Variants in PLXNA2 observed in about 807,000 individuals in gnomAD.
PLXNA2 encodes plexin A2, also known as plexin-A2.
PLXNA2 carries 91 observed loss-of-function variants against 193.5 expected under a neutral mutation model. The observed-to-expected ratio is 0.47, with a 90% CI of 0.40 to 0.56. The LOEUF (loss-of-function observed/expected upper bound fraction) is 0.56. PLXNA2 is among the 20% of genes least tolerant of loss of function. The pLI is 0.00. For synonymous variants in PLXNA2, 997 were observed against 1,027.3 expected, an observed-to-expected ratio of 0.97 and a Z score of 0.56; for missense variants, 1,995 against 2,503.2, an observed-to-expected ratio of 0.80 and a Z score of 4.33.
intron 22 of PLXNA2, chr1:208,040,375 G>T: frequency 3.0e-6 from 1 of 328,424 alleles, no homozygotes. Flanking sequence ...CTATCCCACA[G>T]GGCTATAAAG....
At chr1:208,186,778 G>A (rs1670019439) in intron 3 of PLXNA2, among the ~76,000 whole-genome samples, 1 of 149,638 alleles carries the variant, frequency 6.7e-6, no homozygotes, top group Admixed American at 6.6e-5. Flanking sequence ...GGACTGCAGT[G>A]GCGCAATCTC....
intron 3 of PLXNA2, among the ~76,000 whole-genome samples, chr1:208,180,673 A>G (rs1669814439): frequency 6.6e-6 from 1 of 152,266 alleles, no homozygotes; most frequent in Admixed American, 6.5e-5. Context: ...TGAGAGTCAC[A>G]GTGGTTAACT....
At chr1:208,191,957 C>T (rs957969693) in intron 3 of PLXNA2, among the ~76,000 whole-genome samples, 2 of 152,104 alleles carry the variant, frequency 1.3e-5, no homozygotes, top group African/African-American at 2.4e-5. Flanking sequence ...ATCCACGAGG[C>T]GATTCTTACC....
intron 4 of PLXNA2, among the ~76,000 whole-genome samples, chr1:208,117,964 G>A (rs1407927881): frequency 6.6e-6 from 1 of 152,182 alleles, no homozygotes; most frequent in African/African-American, 2.4e-5. Context: ...TTATCTACAA[G>A]TGTGCAGAGA....
At chr1:208,055,825 A>G (rs1571868295) in intron 13 of PLXNA2, among the ~76,000 whole-genome samples, 1 of 152,232 alleles carries the variant, frequency 6.6e-6, no homozygotes, top group East Asian at 1.9e-4. Context: ...CCTTCATAAC[A>G]GTTAATCCCA....
chr1:208,143,499 C>T (rs540754844), intron 3 of PLXNA2, among the ~76,000 whole-genome samples: 5 of 152,276 alleles, frequency 3.3e-5, no homozygotes, highest in South Asian at 2.1e-4. Flanking sequence ...AAAGAGGTCC[C>T]TAAGGTCATA....
chr1:208,165,472 C>T (rs74153038), intron 3 of PLXNA2, among the ~76,000 whole-genome samples: 3,224 of 152,234 alleles, frequency 0.021, 121 homozygotes, highest in African/African-American at 0.072. Flanking sequence ...GAAGTGGCAG[C>T]GTGGACTTCA....
intron 4 of PLXNA2, among the ~76,000 whole-genome samples, chr1:208,118,420 G>A (rs773948843): frequency 3.3e-5 from 5 of 152,232 alleles, no homozygotes; most frequent in African/African-American, 1.2e-4. Flanking sequence ...AGATGCAAGC[G>A]TGATGGTTAA....
Position 208,083,563 on chromosome 1 carries a change from G to C in PLXNA2, c.2298+817C>G, listed in dbSNP as rs548459222. 9.6e-4 allele frequency among the ~76,000 whole-genome samples: 146 copies of C among 152,040 alleles called. 7 individuals are homozygous for C. In the South Asian group the frequency reaches 0.029, roughly 31 times the overall value. On this transcript the variant is annotated intron_variant, in intron 10 of 31. Coordinates refer to ENST00000367033, the MANE Select transcript of PLXNA2 (RefSeq NM_025179.4). ...TATCTATCAAGCGCCTGTGACCTGG[G>C]AATCTGACAGCTCCCTGATAAGAGG...
chr1:208,028,251 T>A lies in PLXNA2; in HGVS notation c.5439-92A>T. The A allele has an allele frequency of 8.2e-7, 1 of 1,213,294 alleles. No individual in the cohort carries two copies. The highest frequency in any genetic ancestry group is 1.1e-6 in the Non-Finnish European group (1 of 874,532). 75.2% of individuals were successfully genotyped at this position (1,213,294 alleles called of 1,614,324 possible). On this transcript the variant is annotated intron_variant, in intron 30 of 31. Coordinates refer to ENST00000367033, the MANE Select transcript of PLXNA2 (RefSeq NM_025179.4). The surrounding 1 kb of genome is among the most constrained non-coding windows in gnomAD (Gnocchi z 4.2). ...CCCAGGTCCTTCGAGGGCACTGATGTACCCAGTTGCTCCTGCCTCCCTATT... is the reference window on the plus strand; with the variant it reads ...CCCAGGTCCTTCGAGGGCACTGATGAACCCAGTTGCTCCTGCCTCCCTATT...
chr1:208,046,115 C>T lies in PLXNA2; in HGVS notation c.3258G>A (p.Val1086=), dbSNP rs769312308. ...VKFNGKESVN[V]CKVVNTTTLT... is the part of the protein sequence containing the mutation. ...GGGTGGTTGTGTTCACAACTTTACA[C>T]ACCTAAGAGATCCAGAGCGCAGCAT... Residue 1086 remains valine (V), a splice_region_variant and synonymous_variant, in exon 18 of 32, where the codon GTG becomes GTA. Transcript: ENST00000367033. The T allele has an allele frequency of 3.7e-6, 6 of 1,613,320 alleles. No individual in the cohort carries two copies. The African/African-American group carries it at 8.0e-5, about 22-fold the overall frequency.
chr1:208,088,776 A>T (rs879547625), intron 9 of PLXNA2, among the ~76,000 whole-genome samples: 6 of 152,242 alleles, frequency 3.9e-5, no homozygotes, highest in Admixed American at 2.6e-4. Flanking sequence ...AGGAAAATCA[A>T]TGTGTGTTGT....
At chr1:208,031,860 G>T in intron 28 of PLXNA2, 101 bp from the exon 29 acceptor site, 1 of 1,299,314 alleles carries the variant, frequency 7.7e-7, no homozygotes, top group Non-Finnish European at 1.1e-6. Flanking sequence ...TTGGAAATTT[G>T]TCTGGGACAC....
intron 3 of PLXNA2, among the ~76,000 whole-genome samples, chr1:208,197,383 G>A (rs1397398727): frequency 1.3e-5 from 2 of 152,266 alleles, no homozygotes; most frequent in African/African-American, 4.8e-5. Context: ...GGCACTGACA[G>A]TCACCGAAGC....
At chr1:208,165,511 G>T (rs1022421044) in intron 3 of PLXNA2, among the ~76,000 whole-genome samples, 1 of 152,112 alleles carries the variant, frequency 6.6e-6, no homozygotes, top group Non-Finnish European at 1.5e-5. Flanking sequence ...CCTCTCTAGG[G>T]CTCTTCCTGT....
At chr1:208,042,652 C>T (rs150845886) in intron 21 of PLXNA2, among the ~76,000 whole-genome samples, 129 of 152,246 alleles carry the variant, frequency 8.5e-4, no homozygotes, top group African/African-American at 3.0e-3. Flanking sequence ...ATAGGAGATG[C>T]CCCCTCAAAC....
intron 3 of PLXNA2, among the ~76,000 whole-genome samples, chr1:208,163,369 C>A (rs772035069): frequency 7.2e-5 from 11 of 152,148 alleles, no homozygotes; most frequent in Non-Finnish European, 1.6e-4. Context: ...TAATAAAAGT[C>A]TCAGCCTGGG....
At chr1:208,104,006 C>T (rs1301464414) in intron 4 of PLXNA2, among the ~76,000 whole-genome samples, 1 of 152,124 alleles carries the variant, frequency 6.6e-6, no homozygotes, top group Non-Finnish European at 1.5e-5. Flanking sequence ...ACTTGCACAG[C>T]AGGGGTGAAA....
intron 3 of PLXNA2, among the ~76,000 whole-genome samples, chr1:208,199,459 A>G (rs539303512): frequency 7.2e-5 from 11 of 152,288 alleles, no homozygotes; most frequent in East Asian, 5.8e-4. Context: ...TTGGGGGGCC[A>G]AGGTGGGTGG....
Sources: allele counts gnomAD v4.1 joint callset (sites outside exome capture counted in the v4.1 genomes callset), GRCh38; gene constraint gnomAD v4.1.1; non-coding constraint Gnocchi (gnomAD v3.1); transcripts MANE v1.5; gene names NCBI Gene and HGNC (gene_info 2026-07-23, HGNC 2026-07-21).